The following ERH variants were observed in gnomAD, a reference collection of about 807,000 sequenced individuals.
ERH encodes ERH mRNA splicing and mitosis factor, also known as enhancer of rudimentary homolog.
ERH carries 1 observed loss-of-function variant against 16.8 expected under a neutral mutation model. The ratio of observed to expected loss-of-function variants is 0.06; its 90% CI spans 0.02 to 0.28. ERH has a LOEUF of 0.28. ERH is among the 10% of genes least tolerant of loss of function. The pLI, the probability that ERH is intolerant of heterozygous loss-of-function variation, is 1.00. For missense variants in ERH, 42 were observed against 127.5 expected (o/e 0.33, Z 3.23); for synonymous variants, 43 against 43.6 (o/e 0.99, Z 0.05).
In ERH at chr14:69,387,607, G is replaced by A. The variant is rs78222031; in HGVS notation, c.92-524C>T. Among the ~76,000 whole-genome samples the A allele has an allele frequency of 3.2e-3, 473 of 149,384 alleles. 4 individuals are homozygous for A. Among genetic ancestry groups the A allele is most frequent in the African/African-American group, 0.011 (460 of 40,174 alleles). On this transcript the variant is annotated intron_variant, in intron 2 of 3. Transcript: ENST00000557016. ...TACTTCAAACCACTGGAGCTAAGGG[G>A]CTTTAAAGACTTGCCATCTGATGGC...
chr14:69,396,110 G>A (rs953724838), intron 1 of ERH, among the ~76,000 whole-genome samples: 8 of 152,210 alleles, frequency 5.3e-5, no homozygotes, highest in African/African-American at 1.9e-4. Flanking sequence ...CATGTGTAAG[G>A]TTAATTAAAT....
At chr14:69,388,554 G>GT (rs2140231581) in intron 2 of ERH, among the ~76,000 whole-genome samples, 1 of 152,156 alleles carries the variant, frequency 6.6e-6, no homozygotes, top group African/African-American at 2.4e-5. Context: ...TAGAGACGGG[G>GT]TTTTACCATG....
intron 2 of ERH, among the ~76,000 whole-genome samples, chr14:69,390,430 T>C (rs1419007902): frequency 6.6e-6 from 1 of 152,190 alleles, no homozygotes; most frequent in Non-Finnish European, 1.5e-5. Context: ...AACTGCTTTT[T>C]GACAAGCATG....
At chr14:69,393,115 G>C (rs943058291) in intron 2 of ERH, among the ~76,000 whole-genome samples, 1 of 152,252 alleles carries the variant, frequency 6.6e-6, no homozygotes, top group Non-Finnish European at 1.5e-5. Flanking sequence ...TCAGGAGTTC[G>C]GGACCAGCCT....
intron 1 of ERH, chr14:69,397,995 C>A (rs1882403732): frequency 3.3e-6 from 2 of 605,816 alleles, no homozygotes; most frequent in South Asian, 1.9e-5. Context: ...AGGCCCAAGG[C>A]ACGCCGGACC....
intron 2 of ERH, among the ~76,000 whole-genome samples, chr14:69,391,064 T>C (rs534475559): frequency 2.6e-5 from 4 of 152,322 alleles, no homozygotes; most frequent in Admixed American, 2.0e-4. Flanking sequence ...TGAAGACAGT[T>C]TGGCAGTTTC....
chr14:69,391,139 T>C (rs908319972), intron 2 of ERH, among the ~76,000 whole-genome samples: 2 of 152,152 alleles, frequency 1.3e-5, no homozygotes, highest in African/African-American at 4.8e-5. Context: ...TTTACGCAAA[T>C]GAGCTGAAAA....
intron 2 of ERH, among the ~76,000 whole-genome samples, chr14:69,390,655 C>T (rs1435142690): frequency 6.6e-6 from 1 of 151,996 alleles, no homozygotes; most frequent in African/African-American, 2.4e-5. Flanking sequence ...ACCAAAAACA[C>T]AAAAATATGC....
intron 2 of ERH, among the ~76,000 whole-genome samples, chr14:69,388,503 G>C (rs957009759): frequency 6.6e-6 from 1 of 152,014 alleles, no homozygotes; most frequent in African/African-American, 2.4e-5. Flanking sequence ...TGGGATTACA[G>C]GCACCCGCCA....
chr14:69,393,227 G>C (rs570748334), intron 2 of ERH, among the ~76,000 whole-genome samples: 2 of 152,326 alleles, frequency 1.3e-5, no homozygotes, highest in African/African-American at 4.8e-5. Flanking sequence ...TGAGGAAGGA[G>C]AATCATTTGA....
chr14:69,380,913 G>A (rs527410070), intron 3 of ERH, among the ~76,000 whole-genome samples: 1 of 152,320 alleles, frequency 6.6e-6, no homozygotes, highest in Non-Finnish European at 1.5e-5. Flanking sequence ...TCTTGACAGA[G>A]TATGACCAGA....
chr14:69,386,106 G>T (rs2045890976), intron 3 of ERH, among the ~76,000 whole-genome samples: 1 of 152,190 alleles, frequency 6.6e-6, no homozygotes, highest in East Asian at 1.9e-4. Flanking sequence ...TGATCAAAGT[G>T]AAATGGCTAC....
rs778583516 is a variant in ERH at position 69,398,257 on chromosome 14, G to A, written c.-24C>T. On this transcript the variant is annotated 5_prime_UTR_variant, in exon 1 of 4. Coordinates refer to ENST00000557016, the MANE Select transcript of ERH (RefSeq NM_004450.3). ...ATCGCGCCAAACTCTCTTCGCTACA[G>A]CAGCTGCCGACACCGCCGCCGTTAC... 3.7e-6 allele frequency: 6 copies of A among 1,613,554 alleles called. No homozygotes were observed. The South Asian group carries it at 6.6e-5, about 18-fold the overall frequency.
At chr14:69,382,919 C>G (rs1352795023) in intron 3 of ERH, among the ~76,000 whole-genome samples, 1 of 152,052 alleles carries the variant, frequency 6.6e-6, no homozygotes, top group Non-Finnish European at 1.5e-5. Flanking sequence ...GTCATTGGCA[C>G]AGATGAATCT....
chr14:69,388,798 A>G (rs972263731), intron 2 of ERH, among the ~76,000 whole-genome samples: 3 of 152,190 alleles, frequency 2.0e-5, no homozygotes, highest in Non-Finnish European at 4.4e-5. Flanking sequence ...CATGTCCTAT[A>G]CTGTATACAT....
At chr14:69,387,887 A>T (rs2045901829) in intron 2 of ERH, among the ~76,000 whole-genome samples, 1 of 152,016 alleles carries the variant, frequency 6.6e-6, no homozygotes, top group African/African-American at 2.4e-5. Context: ...TACTAAAAAA[A>T]TACAAAAAAT....
chr14:69,389,602 G>A (rs2045912771), intron 2 of ERH, among the ~76,000 whole-genome samples: 1 of 152,116 alleles, frequency 6.6e-6, no homozygotes, highest in South Asian at 2.1e-4. Flanking sequence ...GCAGGATATA[G>A]GATTGGTATA....
rs2045899396 is a variant in ERH, at chr14:69,387,482, T to A, written c.92-399A>T. Among the ~76,000 whole-genome samples the A allele has an allele frequency of 2.6e-5, 4 of 152,158 alleles. No individual in the cohort carries two copies. In the South Asian group the frequency reaches 8.3e-4, roughly 31 times the overall value. ...AGCTGAGGTGGGAGAATCACTTGGC[T>A]GCAGTGAGCCGTGATTGCATCACTG... is the stretch of plus-strand genomic sequence containing the variant. On this transcript the variant is annotated intron_variant, in intron 2 of 3. Transcript: ENST00000557016.
chr14:69,394,781 C>T (rs1328341346), intron 2 of ERH, 44 bp downstream of exon 2: 1 of 1,466,052 alleles, frequency 6.8e-7, no homozygotes, highest in Non-Finnish European at 9.4e-7. Context: ...AACCCAGTTC[C>T]TAAATGAGAC....
Sources: gnomAD v4.1 joint callset for allele counts (sites outside exome capture counted in the v4.1 genomes callset) on GRCh38, gnomAD v4.1.1 for gene constraint, MANE v1.5 for transcripts, NCBI Gene and HGNC (gene_info 2026-07-23, HGNC 2026-07-21) for gene names.